The following TAFA5 variants were observed in gnomAD, a reference collection of about 807,000 sequenced individuals.
The protein encoded by TAFA5 is chemokine-like protein TAFA-5.
In TAFA5, 6 loss-of-function variants were observed where a neutral mutation model predicts 15.3. The observed-to-expected ratio is 0.39, with a 90% CI of 0.21 to 0.77. The LOEUF (loss-of-function observed/expected upper bound fraction) is 0.77. Among genes scored for constraint, TAFA5 ranks in the 30% least tolerant of loss-of-function variants. TAFA5 has a pLI of 0.41. For synonymous variants in TAFA5, 103 were observed against 80.7 expected, an observed-to-expected ratio of 1.28 and a Z score of -1.48; for missense variants, 161 against 193.1, an observed-to-expected ratio of 0.83 and a Z score of 0.98.
chr22:48,578,863 G>T (rs530148609), intron 1 of TAFA5, among the ~76,000 whole-genome samples: 2 of 152,182 alleles, frequency 1.3e-5, no homozygotes, highest in Non-Finnish European at 2.9e-5. Context: ...GTGCAGGGAG[G>T]GGGGTGGCCG....
At chr22:48,743,562 G>A (rs1913672785) in intron 3 of TAFA5, among the ~76,000 whole-genome samples, 1 of 152,246 alleles carries the variant, frequency 6.6e-6, no homozygotes, top group African/African-American at 2.4e-5. Context: ...AGAGGACTAA[G>A]TCTAGTACAG....
chr22:48,715,034 A>G (rs1161054710), intron 3 of TAFA5, among the ~76,000 whole-genome samples: 1 of 152,206 alleles, frequency 6.6e-6, no homozygotes, highest in Non-Finnish European at 1.5e-5. Flanking sequence ...TTGTAAATCT[A>G]GGATGATTTC....
chr22:48,707,656 A>C, intron 2 of TAFA5, 61 bp from the exon 3 acceptor site: 1 of 1,578,346 alleles, frequency 6.3e-7, no homozygotes, highest in South Asian at 1.2e-5. Flanking sequence ...AGGTGCCCTC[A>C]GCAACACCCT....
chr22:48,668,632 G>GA (rs1927698899), intron 2 of TAFA5, among the ~76,000 whole-genome samples: 1 of 91,584 alleles, frequency 1.1e-5, no homozygotes, highest in Admixed American at 1.1e-4. Context: ...TCTTCACTGG[G>GA]AGTGTTAATC....
intron 2 of TAFA5, among the ~76,000 whole-genome samples, chr22:48,697,614 A>ATGG (rs138832743): frequency 0.27 from 40,156 of 150,946 alleles, 5,569 homozygotes; most frequent in Non-Finnish European, 0.3. Context: ...GGTGGTGATG[A>ATGG]TGGTGATGAA....
intron 1 of TAFA5, among the ~76,000 whole-genome samples, chr22:48,610,975 T>C (rs1367686774): frequency 6.6e-6 from 1 of 151,204 alleles, no homozygotes; most frequent in Non-Finnish European, 1.5e-5. Context: ...CGCTTTATTG[T>C]CCAGCTGGAG....
intron 1 of TAFA5, among the ~76,000 whole-genome samples, chr22:48,583,296 A>G (rs574926532): frequency 6.7e-6 from 1 of 150,036 alleles, no homozygotes; most frequent in African/African-American, 2.5e-5. Context: ...AATACACCAC[A>G]CACCACACAC....
chr22:48,630,750 G>A (rs1302068450), intron 1 of TAFA5, among the ~76,000 whole-genome samples: 1 of 152,188 alleles, frequency 6.6e-6, no homozygotes. Flanking sequence ...TCACGGGGGC[G>A]ATGAGCCCCA....
intron 1 of TAFA5, among the ~76,000 whole-genome samples, chr22:48,492,776 T>C (rs75476729): frequency 0.039 from 5,975 of 152,000 alleles, 201 homozygotes; most frequent in African/African-American, 0.091. Context: ...CCCATGAGGG[T>C]TGTTGGATGG....
chr22:48,655,834 T>TTC (rs1927220169), intron 2 of TAFA5, among the ~76,000 whole-genome samples: 1 of 109,990 alleles, frequency 9.1e-6, no homozygotes, highest in Non-Finnish European at 2.0e-5. Flanking sequence ...CTGATTCTTT[T>TTC]TTTTTTTTTT....
rs141607918 is a variant in TAFA5, at chr22:48,544,415, G to A, written c.112+54711G>A. The A allele has an allele frequency of 4.5e-3, 1,574 of 347,918 alleles. 19 individuals carry two copies. Among genetic ancestry groups the A allele is most frequent in the African/African-American group, 0.032 (1,489 of 46,752 alleles). The allele number at this position is 347,918 out of a possible 1,614,324, so 21.6% of individuals were successfully genotyped here. On this transcript the variant is annotated intron_variant, in intron 1 of 3. Transcript: ENST00000402357. ...GTCCCCACTCCACGGCCAGTCTTGG[G>A]TTTGCCAGGGACTCCGTCAGCCCGT...
At chr22:48,555,504 C>T (rs1281990279) in intron 1 of TAFA5, among the ~76,000 whole-genome samples, 1 of 152,196 alleles carries the variant, frequency 6.6e-6, no homozygotes, top group African/African-American at 2.4e-5. Flanking sequence ...GGTCTCCAAG[C>T]GTGTCTGTGT....
chr22:48,495,671 G>A (rs1006567786), intron 1 of TAFA5, among the ~76,000 whole-genome samples: 3 of 152,174 alleles, frequency 2.0e-5, no homozygotes, highest in East Asian at 1.9e-4. Flanking sequence ...CTGGGCTGCC[G>A]TCACTTGAGA....
intron 3 of TAFA5, among the ~76,000 whole-genome samples, chr22:48,710,596 G>A (rs952049934): frequency 1.3e-5 from 2 of 152,214 alleles, no homozygotes; most frequent in African/African-American, 4.8e-5. Context: ...TTCTGTGTGT[G>A]CAGAGACAGA....
intron 1 of TAFA5, among the ~76,000 whole-genome samples, chr22:48,570,630 C>T (rs1176184704): frequency 6.6e-6 from 1 of 152,198 alleles, no homozygotes; most frequent in Non-Finnish European, 1.5e-5. Flanking sequence ...CCATTTTGAA[C>T]AGTGAAAAAC....
chr22:48,593,391 G>A (rs575422806), intron 1 of TAFA5, among the ~76,000 whole-genome samples: 5 of 152,282 alleles, frequency 3.3e-5, no homozygotes, highest in African/African-American at 4.8e-5. Context: ...GATGGTGACC[G>A]ATGTGAAGGG....
chr22:48,708,563 C>T (rs942196470), intron 3 of TAFA5, among the ~76,000 whole-genome samples: 2 of 152,230 alleles, frequency 1.3e-5, no homozygotes, highest in Admixed American at 6.5e-5. Context: ...GGGGAGCCCA[C>T]GCCCACGTGC....
At chr22:48,612,345 G>T (rs1206452527) in intron 1 of TAFA5, among the ~76,000 whole-genome samples, 1 of 152,214 alleles carries the variant, frequency 6.6e-6, no homozygotes, top group Non-Finnish European at 1.5e-5. Context: ...GGCAGGCCAC[G>T]CGTGTCTCAC....
At chr22:48,491,381 A>C (rs1928149109) in intron 1 of TAFA5, among the ~76,000 whole-genome samples, 1 of 151,834 alleles carries the variant, frequency 6.6e-6, no homozygotes, top group Non-Finnish European at 1.5e-5. Flanking sequence ...AGAGGAGAGG[A>C]GAGAGAGGAG....
Sources: allele counts gnomAD v4.1 joint callset (sites outside exome capture counted in the v4.1 genomes callset), GRCh38; gene constraint gnomAD v4.1.1; transcripts MANE v1.5; gene names NCBI Gene and HGNC (gene_info 2026-07-23, HGNC 2026-07-21).